The following PPP6R1 variants were observed in gnomAD, a reference collection of about 807,000 sequenced individuals.
PPP6R1 encodes the protein serine/threonine-protein phosphatase 6 regulatory subunit 1.
Under a neutral mutation model 104.6 loss-of-function variants are expected in PPP6R1, and 39 were observed. The ratio of observed to expected loss-of-function variants is 0.37; its 90% CI spans 0.29 to 0.49. The LOEUF is 0.49. Among genes scored for constraint, PPP6R1 ranks in the 20% least tolerant of loss-of-function variants. The pLI is 0.98. For missense variants in PPP6R1, 1,181 were observed against 1,155.8 expected, an observed-to-expected ratio of 1.02 and a Z score of -0.32; for synonymous variants, 549 against 479.0, an observed-to-expected ratio of 1.15 and a Z score of -1.91.
At chr19:55,240,559 G>GCACA (rs2087445276) in intron 10 of PPP6R1, among the ~76,000 whole-genome samples, 1 of 129,386 alleles carries the variant, frequency 7.7e-6, no homozygotes, top group Non-Finnish European at 1.7e-5. Context: ...ACACACACAT[G>GCACA]CATGCACTAA....
rs374817020 is a variant in PPP6R1, at chr19:55,245,386, C to T, written c.431G>A (p.Arg144Gln). Residue 144 changes from arginine to glutamine, a missense_variant, in exon 4 of 24, where the codon CGG (arginine) becomes CAG (glutamine). Coordinates refer to ENST00000412770, the MANE Select transcript of PPP6R1 (RefSeq NM_014931.4). This position sits in a 1 kb window ranked among gnomAD's most constrained non-coding sequence, Gnocchi z 6.4. ...RKTDQLVSFL[R>Q]KKDDFVDLLL... ...CAGGTCCACGAAGTCATCCTTCTTC[C>T]GAAGAAAGGACACGAGCTGGGGGCA... The T allele has an allele frequency of 1.5e-5, 24 of 1,613,314 alleles. No individual in the cohort carries two copies. Among genetic ancestry groups the T allele is most frequent in the East Asian group, 2.2e-5 (1 of 44,880 alleles).
chr19:55,249,978 AC>A (rs1434954529), intron 1 of PPP6R1, among the ~76,000 whole-genome samples: 1 of 152,066 alleles, frequency 6.6e-6, no homozygotes, highest in African/African-American at 2.4e-5. Context: ...GCCCACGGTG[AC>A]CCCAGTGCCC....
chr19:55,231,605 C>T lies in PPP6R1; in HGVS notation c.2370G>A (p.Glu790=), dbSNP rs1318131551. ...GGGCAAAGCGGGGCTCACCTGAGGG[C>T]TCCGTGACTTTGCTGCCTTCTGTGG... is the stretch of plus-strand genomic sequence containing the variant. The part of the protein sequence containing the change: ...QEATEGSKVT[E]PSAPCQALVS... The change falls in exon 20 of 24, where the codon GAG becomes GAA. Residue 790 remains glutamate (E), a synonymous_variant. Transcript: ENST00000412770. 12 of 1,611,058 alleles carry T rather than the reference C, an allele frequency of 7.4e-6. No individual in the cohort carries two copies. The East Asian group carries it at 2.5e-4, about 33-fold the overall frequency.
rs1288124478 is a variant in PPP6R1 at position 55,240,084 on chromosome 19, C to A, written c.1392G>T (p.Met464Ile). ...QCAGGPRKGY[M>I]GHLTRVAGAL... is the part of the protein sequence containing the mutation. ...CACCGGCCACTCTTGTCAGGTGACCCATGTAGCCTTTCCGAGGGCCTCCCG... is the reference window on the plus strand; with the variant it reads ...CACCGGCCACTCTTGTCAGGTGACCAATGTAGCCTTTCCGAGGGCCTCCCG... The change falls in exon 12 of 24, where the codon ATG (methionine) becomes ATT (isoleucine). Residue 464 changes from methionine (M) to isoleucine (I), a missense_variant. This residue lies in a region of PPP6R1 where 1,042 missense variants were observed against 955.6 expected (regional missense o/e 1.09). Transcript: ENST00000412770. 10 of 1,598,320 alleles carry A rather than the reference C, an allele frequency of 6.3e-6. No homozygotes were observed. Among genetic ancestry groups the A allele is most frequent in the African/African-American group, 2.7e-5 (2 of 74,592 alleles).
At chr19:55,243,404 C>CAAAAAAAAAAA (rs58375899) in intron 5 of PPP6R1, among the ~76,000 whole-genome samples, 26 of 49,108 alleles carry the variant, frequency 5.3e-4, no homozygotes, top group African/African-American at 1.8e-3. Flanking sequence ...GACTCCATCT[C>CAAAAAAAAAAA]AAAAAAAAAA....
At chr19:55,248,283 C>T (rs1391427289) in intron 1 of PPP6R1, among the ~76,000 whole-genome samples, 1 of 152,194 alleles carries the variant, frequency 6.6e-6, no homozygotes, top group African/African-American at 2.4e-5. Flanking sequence ...ATCACTCCGC[C>T]ACACAGGACA....
rs1309826221 is a variant in PPP6R1, at chr19:55,252,429, C to T, written c.-6-5320G>A. On this transcript the variant is annotated intron_variant, in intron 1 of 23. Coordinates refer to ENST00000412770, the MANE Select transcript of PPP6R1 (RefSeq NM_014931.4). Reference sequence around the variant, plus strand: ...TTTTTTTTTTTTTGAGACAGAGTTTCGCTCTGTCACCCAGGCTGGAGTGCA... The same window carrying T: ...TTTTTTTTTTTTTGAGACAGAGTTTTGCTCTGTCACCCAGGCTGGAGTGCA... 6.3e-5 allele frequency among the ~76,000 whole-genome samples: 9 copies of T among 142,496 alleles called. No homozygotes were observed. The East Asian group carries it at 1.4e-3, about 23-fold the overall frequency. The allele number at this position is 142,496 out of a possible 152,430, so 93.5% of individuals were successfully genotyped here. A position where few individuals can be genotyped will look rare whatever the true frequency, so the allele number is the denominator to read the frequency against.
chr19:55,256,724 G>A (rs897873726), intron 1 of PPP6R1, among the ~76,000 whole-genome samples: 2 of 152,188 alleles, frequency 1.3e-5, no homozygotes, highest in African/African-American at 4.8e-5. Flanking sequence ...ATTGCAGGAC[G>A]TGCCTGTAGT....
Position 55,232,177 on chromosome 19 carries a change from C to G in PPP6R1, c.2023G>C (p.Glu675Gln). Residue 675 changes from glutamate (E) to glutamine (Q), a missense_variant, in exon 18 of 24, where the codon GAG (glutamate) becomes CAG (glutamine). By Grantham distance (29) the Glu-to-Gln change is conservative (BLOSUM62 2). Transcript: ENST00000412770. ...TCTTCCTCCTCCTCCTCGTCCTCCT[C>G]TTCTTCGTCCTCACTGTCTGTGCTG... ...GGSTDSEDEE[E>Q]EDEEEEEDEE... The G allele has an allele frequency of 3.8e-6, 6 of 1,563,060 alleles. No individual in the cohort carries two copies. The highest frequency in any genetic ancestry group is 5.2e-6 in the Non-Finnish European group (6 of 1,153,502).
chr19:55,245,256 C>T lies in PPP6R1; in HGVS notation c.552+9G>A. Reference sequence around the variant, plus strand: ...GCCCCCCACCCCCAGAGGAGCCGGCCCTGCTCACATTGACAACATCCTGCC... The same window carrying T: ...GCCCCCCACCCCCAGAGGAGCCGGCTCTGCTCACATTGACAACATCCTGCC... On this transcript the variant is annotated intron_variant, in intron 4 of 23. Transcript: ENST00000412770. This position sits in a 1 kb window ranked among gnomAD's most constrained non-coding sequence, Gnocchi z 6.4. 9 of 1,596,926 alleles carry T rather than the reference C, an allele frequency of 5.6e-6. No homozygotes were observed. The highest frequency in any genetic ancestry group is 7.7e-6 in the Non-Finnish European group (9 of 1,172,104).
intron 1 of PPP6R1, among the ~76,000 whole-genome samples, chr19:55,258,063 G>C (rs1252095585): frequency 2.0e-5 from 3 of 152,228 alleles, no homozygotes; most frequent in Admixed American, 2.0e-4. Flanking sequence ...GGTGTAAGCA[G>C]GCAAAGTCCA....
At chr19:55,249,367 T>C (rs1193428347) in intron 1 of PPP6R1, among the ~76,000 whole-genome samples, 1 of 152,080 alleles carries the variant, frequency 6.6e-6, no homozygotes, top group South Asian at 2.1e-4. Flanking sequence ...TCAACCTCCC[T>C]AGTAGCTGGT....
intron 10 of PPP6R1, 81 bp from the exon 11 acceptor site, chr19:55,240,381 TCCTCAGCAGATGCTTCA>T: frequency 7.3e-7 from 1 of 1,363,202 alleles, no homozygotes; most frequent in Non-Finnish European, 1.0e-6. Flanking sequence ...AGGGGTCCCT[TCCTCAGCAGATGCTTCA>T]CCAGGCCCCC....
At chr19:55,248,987 C>T (rs1168889210) in intron 1 of PPP6R1, among the ~76,000 whole-genome samples, 4 of 152,200 alleles carry the variant, frequency 2.6e-5, no homozygotes, top group South Asian at 2.1e-4. Flanking sequence ...CCAGTCTGCC[C>T]GTCTGCCTCG....
At chr19:55,252,609 C>T (rs1043216319) in intron 1 of PPP6R1, among the ~76,000 whole-genome samples, 2 of 152,126 alleles carry the variant, frequency 1.3e-5, no homozygotes, top group Non-Finnish European at 2.9e-5. Context: ...ACCATATTGG[C>T]CAGGCTGGTC....
rs756980782 is a variant in PPP6R1 at position 55,231,824 on chromosome 19, C to T, written c.2284G>A (p.Ala762Thr). ...CACCTGAGCTGCAGGGCGTCACGGG[C>T]AGGAGGGCTGGCCAGGCTCTGAGTG... ...LPTQSLASPP[A>T]RDALQLRSQD... is the part of the protein sequence containing the mutation. Residue 762 changes from alanine (A) to threonine (T), a missense_variant, in exon 19 of 24, where the codon GCC becomes ACC. By Grantham distance (58) the Ala-to-Thr change is moderately conservative (BLOSUM62 0). This residue lies in a region of PPP6R1 where 1,042 missense variants were observed against 955.6 expected (regional missense o/e 1.09). Coordinates refer to ENST00000412770, the MANE Select transcript of PPP6R1 (RefSeq NM_014931.4). The T allele has an allele frequency of 2.7e-6, 4 of 1,502,554 alleles. No homozygotes were observed. Among genetic ancestry groups the T allele is most frequent in the Admixed American group, 2.4e-5 (1 of 42,174 alleles). 93.1% of individuals were successfully genotyped at this position (1,502,554 alleles called of 1,614,324 possible).
Position 55,245,633 on chromosome 19 carries a change from C to T in PPP6R1, c.273G>A (p.Gln91=), listed in dbSNP as rs1431670023. Residue 91 remains glutamine, a synonymous_variant, in exon 3 of 24, where the codon CAG becomes CAA. Transcript: ENST00000412770. This position sits in a 1 kb window ranked among gnomAD's most constrained non-coding sequence, Gnocchi z 6.4. ...CATCAGCACCCAGGGCATCATTGATCTGGGGCACATCTGAGGTCAGAATCT... is the reference window on the plus strand; with the variant it reads ...CATCAGCACCCAGGGCATCATTGATTTGGGGCACATCTGAGGTCAGAATCT... ...ACEILTSDVP[Q]INDALGADES... 6 of 1,610,598 alleles carry T rather than the reference C, an allele frequency of 3.7e-6. No individual in the cohort carries two copies. In the East Asian group the frequency reaches 1.1e-4, roughly 30 times the overall value.
chr19:55,244,993 C>T, intron 5 of PPP6R1, 127 bp downstream of exon 5: 1 of 1,402,556 alleles, frequency 7.1e-7, no homozygotes, highest in Non-Finnish European at 9.8e-7. Flanking sequence ...CCACCTCGCC[C>T]TCCCAAAGTG....
chr19:55,247,194 C>A, intron 1 of PPP6R1, 85 bp from the exon 2 acceptor site: 2 of 1,393,794 alleles, frequency 1.4e-6, no homozygotes, highest in Non-Finnish European at 2.0e-6. Context: ...GGGCTGAGTG[C>A]CCACCTTGGG....
Sources: gnomAD v4.1 joint callset for allele counts (sites outside exome capture counted in the v4.1 genomes callset) on GRCh38, gnomAD v4.1.1 for gene constraint, gnomAD v4.1.1 regional missense constraint, Gnocchi (gnomAD v3.1) non-coding constraint, MANE v1.5 for transcripts, NCBI Gene and HGNC (gene_info 2026-07-23, HGNC 2026-07-21) for gene names.